Variants in MSRA observed in about 807,000 individuals in gnomAD.
MSRA encodes the protein mitochondrial peptide methionine sulfoxide reductase.
In MSRA, 54 loss-of-function variants were observed where a neutral mutation model predicts 31.3. The observed-to-expected ratio is 1.73, with a 90% CI of 1.39 to 2.17. The LOEUF is 2.17. Among genes scored for constraint, MSRA ranks in the 30% most tolerant of loss-of-function variants. MSRA has a pLI of 0.00. For synonymous variants in MSRA, 169 were observed against 116.5 expected, an observed-to-expected ratio of 1.45 and a Z score of -2.90; for missense variants, 507 against 300.9, an observed-to-expected ratio of 1.69 and a Z score of -5.07.
At chr8:10,338,462 A>G (rs1803200361) in intron 5 of MSRA, among the ~76,000 whole-genome samples, 1 of 152,164 alleles carries the variant, frequency 6.6e-6, no homozygotes, top group Admixed American at 6.6e-5. Context: ...TGTAGTGTAT[A>G]TTTCAGAATA....
intron 4 of MSRA, among the ~76,000 whole-genome samples, chr8:10,307,926 A>G (rs1470180058): frequency 6.6e-6 from 1 of 152,204 alleles, no homozygotes; most frequent in Non-Finnish European, 1.5e-5. Context: ...CTAAATTCTG[A>G]CTATGGGGGC....
intron 4 of MSRA, among the ~76,000 whole-genome samples, chr8:10,314,717 C>T (rs1010114617): frequency 2.6e-5 from 4 of 152,104 alleles, no homozygotes; most frequent in African/African-American, 9.7e-5. Flanking sequence ...TCTTTACAGC[C>T]CCAGGCTGGT....
intron 1 of MSRA, among the ~76,000 whole-genome samples, chr8:10,070,939 C>G (rs924617748): frequency 6.6e-6 from 1 of 152,194 alleles, no homozygotes; most frequent in South Asian, 2.1e-4. Flanking sequence ...TTGGCTGTTA[C>G]GAGTGAAGCT....
At chr8:10,168,046 G>C (rs1486565969) in intron 1 of MSRA, among the ~76,000 whole-genome samples, 1 of 152,102 alleles carries the variant, frequency 6.6e-6, no homozygotes, top group Non-Finnish European at 1.5e-5. Flanking sequence ...CCAACAGTTT[G>C]GGTTGCAATC....
chr8:10,333,788 T>G (rs11784828), intron 5 of MSRA, among the ~76,000 whole-genome samples: 146,655 of 151,238 alleles, frequency 0.97, 71,277 homozygotes, highest in East Asian at 1. Context: ...TATGAGAGTT[T>G]CCACGTTTCT....
At chr8:10,067,643 A>G (rs1585078054) in intron 1 of MSRA, among the ~76,000 whole-genome samples, 1 of 152,202 alleles carries the variant, frequency 6.6e-6, no homozygotes, top group African/African-American at 2.4e-5. Flanking sequence ...CCAGCAATAA[A>G]TGAGGGTTCC....
chr8:10,304,706 G>C (rs901789844), intron 4 of MSRA, among the ~76,000 whole-genome samples: 1 of 152,168 alleles, frequency 6.6e-6, no homozygotes, highest in African/African-American at 2.4e-5. Flanking sequence ...AGGTCACATG[G>C]CAACCTGTCA....
intron 1 of MSRA, among the ~76,000 whole-genome samples, chr8:10,058,365 A>G (rs557414155): frequency 7.9e-5 from 12 of 152,310 alleles, no homozygotes; most frequent in African/African-American, 2.6e-4. Context: ...ATAAAAACAG[A>G]TAATTTGAAG....
rs536138681 is a variant in MSRA, at chr8:10,203,064, C to T, written c.143-4769C>T. ...CTCAGCTGTATTTCAGTAGAAGGTG[C>T]AAAATCACGTTTTAAGAACCTGTTA... On this transcript the variant is annotated intron_variant, in intron 1 of 5. Coordinates refer to ENST00000317173, the MANE Select transcript of MSRA (RefSeq NM_012331.5). 2.0e-5 allele frequency among the ~76,000 whole-genome samples: 3 copies of T among 152,090 alleles called. No individual in the cohort carries two copies. The South Asian group carries it at 6.2e-4, about 32-fold the overall frequency.
At chr8:10,141,371 G>T (rs1328938298) in intron 1 of MSRA, among the ~76,000 whole-genome samples, 1 of 152,194 alleles carries the variant, frequency 6.6e-6, no homozygotes, top group Non-Finnish European at 1.5e-5. Context: ...AACTGATCAA[G>T]GATGAGTTGA....
chr8:10,228,579 G>A (rs1811197393), intron 2 of MSRA, among the ~76,000 whole-genome samples: 1 of 152,186 alleles, frequency 6.6e-6, no homozygotes, highest in Non-Finnish European at 1.5e-5. Flanking sequence ...CAGCTTGCTT[G>A]CAGGCATCCG....
intron 5 of MSRA, among the ~76,000 whole-genome samples, chr8:10,374,062 G>T (rs189155172): frequency 1.3e-5 from 2 of 152,316 alleles, no homozygotes; most frequent in African/African-American, 4.8e-5. Flanking sequence ...AACACCAGTG[G>T]AGACATTGTC....
chr8:10,141,166 C>G (rs1461598884), intron 1 of MSRA, among the ~76,000 whole-genome samples: 2 of 152,202 alleles, frequency 1.3e-5, no homozygotes, highest in Non-Finnish European at 2.9e-5. Flanking sequence ...ACCCTGGGTT[C>G]TGAACACCCA....
At chr8:10,284,231 C>T (rs535995675) in intron 3 of MSRA, among the ~76,000 whole-genome samples, 4 of 152,182 alleles carry the variant, frequency 2.6e-5, no homozygotes, top group African/African-American at 7.2e-5. Context: ...CTCTTGTTCC[C>T]GGGATGGAGT....
At position 10,210,137 on chromosome 8, in the gene MSRA, A is replaced by G. The variant is rs556959543; in HGVS notation, c.211+2236A>G. Among the ~76,000 whole-genome samples the G allele has an allele frequency of 4.6e-5, 7 of 152,132 alleles. No individual in the cohort carries two copies. The East Asian group carries it at 5.8e-4, about 13-fold the overall frequency. On this transcript the variant is annotated intron_variant, in intron 2 of 5. Transcript: ENST00000317173. ...GTTTATCACTGCAATGGAAAGGTCAACTCAGCACAGTGCTTGACTCTTTGG... is the reference window on the plus strand; with the variant it reads ...GTTTATCACTGCAATGGAAAGGTCAGCTCAGCACAGTGCTTGACTCTTTGG...
At chr8:10,168,114 C>T (rs1208495500) in intron 1 of MSRA, among the ~76,000 whole-genome samples, 1 of 152,094 alleles carries the variant, frequency 6.6e-6, no homozygotes, top group Non-Finnish European at 1.5e-5. Context: ...CTCCTTGTGC[C>T]TTAGTTTTCC....
At chr8:10,188,809 G>T (rs1009239850) in intron 1 of MSRA, among the ~76,000 whole-genome samples, 4 of 152,190 alleles carry the variant, frequency 2.6e-5, no homozygotes, top group Non-Finnish European at 5.9e-5. Flanking sequence ...ATCAGGTAGT[G>T]GAAGTATTCC....
intron 5 of MSRA, among the ~76,000 whole-genome samples, chr8:10,367,356 G>A (rs1259942556): frequency 6.6e-6 from 1 of 152,120 alleles, no homozygotes; most frequent in African/African-American, 2.4e-5. Context: ...ATCTCTTACT[G>A]TGCCTAATTT....
chr8:10,058,010 G>T (rs1224137593), intron 1 of MSRA, among the ~76,000 whole-genome samples: 3 of 152,228 alleles, frequency 2.0e-5, no homozygotes, highest in African/African-American at 7.2e-5. Context: ...TAGAGTATCA[G>T]TGGGATCAGG....
Sources: allele counts gnomAD v4.1 joint callset (sites outside exome capture counted in the v4.1 genomes callset), GRCh38; gene constraint gnomAD v4.1.1; transcripts MANE v1.5; gene names NCBI Gene and HGNC (gene_info 2026-07-23, HGNC 2026-07-21).